UFSP2: variants seen among roughly 807,000 people sequenced by gnomAD.
UFSP2 encodes the protein ufm1-specific protease 2.
UFSP2 carries 43 observed loss-of-function variants against 60.2 expected under a neutral mutation model. That is an observed-to-expected ratio of 0.71 (90% CI 0.56 to 0.92). UFSP2 has a LOEUF of 0.92. Among genes scored for constraint, UFSP2 ranks in the 40% least tolerant of loss-of-function variants. UFSP2 has a pLI of 0.00. For synonymous variants in UFSP2, 183 were observed against 195.1 expected (o/e 0.94, Z 0.52); for missense variants, 520 against 575.0 (o/e 0.90, Z 0.98).
At chr4:185,425,457 G>T (rs1314412552) in intron 1 of UFSP2, among the ~76,000 whole-genome samples, 1 of 152,124 alleles carries the variant, frequency 6.6e-6, no homozygotes, top group Non-Finnish European at 1.5e-5. Flanking sequence ...TTTAGGATAG[G>T]GATTGGAGAA....
chr4:185,402,915 T>C (rs1330799049), intron 11 of UFSP2, among the ~76,000 whole-genome samples: 2 of 152,260 alleles, frequency 1.3e-5, no homozygotes, highest in African/African-American at 4.8e-5. Context: ...TTTACAATAC[T>C]TTCTCCTAAA....
chr4:185,425,917 CGGGG>C lies in UFSP2; in HGVS notation c.-53_-50del. On this transcript the variant is annotated 5_prime_UTR_variant, in exon 1 of 12. Coordinates refer to ENST00000264689, the MANE Select transcript of UFSP2 (RefSeq NM_018359.5). ...GGCGCTGACGCCTGCCCAAAAGTTC[CGGGG>C]GCCGGCCCTGAAGTGGTGTCACCGC... The C allele has an allele frequency of 6.3e-7, 1 of 1,575,444 alleles. No individual in the cohort carries two copies.
chr4:185,412,860 AG>A (rs1411488523), intron 7 of UFSP2, among the ~76,000 whole-genome samples: 1 of 152,126 alleles, frequency 6.6e-6, no homozygotes, highest in Non-Finnish European at 1.5e-5. Context: ...ATGCCTTATA[AG>A]GTCCTTTCTC....
At chr4:185,415,375 A>G in intron 5 of UFSP2, 28 bp from the exon 6 acceptor site, 1 of 1,520,278 alleles carries the variant, frequency 6.6e-7, no homozygotes, top group South Asian at 1.3e-5. Flanking sequence ...TAAGTGTATT[A>G]ACAAAAGTTA....
chr4:185,416,121 T>A, intron 4 of UFSP2: 1 of 287,140 alleles, frequency 3.5e-6, no homozygotes, highest in Non-Finnish European at 6.4e-6. Context: ...AATATAAAGC[T>A]GTACTACAGT....
At chr4:185,419,232 C>G (rs956592097) in intron 2 of UFSP2, among the ~76,000 whole-genome samples, 14 of 152,000 alleles carry the variant, frequency 9.2e-5, no homozygotes, top group Non-Finnish European at 1.6e-4. Flanking sequence ...CCCGGGTTCA[C>G]GCCATTCTCC....
At chr4:185,410,706 G>T (rs1333487987) in intron 7 of UFSP2, among the ~76,000 whole-genome samples, 2 of 151,236 alleles carry the variant, frequency 1.3e-5, no homozygotes, top group East Asian at 3.9e-4. Flanking sequence ...CAGCACTTTG[G>T]GAGGCTGAGG....
intron 11 of UFSP2, among the ~76,000 whole-genome samples, chr4:185,401,304 A>G (rs958765010): frequency 3.3e-5 from 5 of 152,362 alleles, no homozygotes; most frequent in Admixed American, 3.3e-4. Flanking sequence ...CTAGGTAACC[A>G]GCATTCTATT....
intron 7 of UFSP2, among the ~76,000 whole-genome samples, chr4:185,409,025 T>C (rs1393331652): frequency 1.3e-5 from 2 of 152,194 alleles, no homozygotes; most frequent in Admixed American, 1.3e-4. Flanking sequence ...ATATGTGAGC[T>C]CAGTGAGTAC....
Position 185,400,096 on chromosome 4 carries a change from A to G in UFSP2, c.*296T>C, listed in dbSNP as rs1173790820. On this transcript the variant is annotated 3_prime_UTR_variant, in exon 12 of 12. Coordinates refer to ENST00000264689, the MANE Select transcript of UFSP2 (RefSeq NM_018359.5). ...ATAAGCTCCTGCTTTTGGCTTTACC[A>G]TATGTTGTGTCTAATCTCCTTCTGA... 4.5e-6 allele frequency: 6 copies of G among 1,336,428 alleles called. No homozygotes were observed. The highest frequency in any genetic ancestry group is 4.4e-5 in the African/African-American group (3 of 67,528). 82.8% of individuals were successfully genotyped at this position (1,336,428 alleles called of 1,614,324 possible).
chr4:185,400,535 G>A, intron 11 of UFSP2, 57 bp from the exon 12 acceptor site: 1 of 1,344,810 alleles, frequency 7.4e-7, no homozygotes, highest in Non-Finnish European at 1.1e-6. Flanking sequence ...ATTATGTCAT[G>A]GAAATCGTGA....
intron 5 of UFSP2, 125 bp from the exon 6 acceptor site, chr4:185,415,472 C>T: frequency 1.2e-6 from 1 of 862,106 alleles, no homozygotes; most frequent in Non-Finnish European, 1.7e-6. Flanking sequence ...TAAAGGAAGT[C>T]TGAATTATAC....
rs1235296880 is a variant in UFSP2, at chr4:185,400,213, TTTAAG to T, written c.*174_*178del. The stretch of plus-strand genomic sequence containing the variant: ...TATGCTGGTTGTGTATGCTTTGTCT[TTTAAG>T]TTATTAAAGGAACGTCTAAAAAATA... On this transcript the variant is annotated 3_prime_UTR_variant, in exon 12 of 12. Transcript: ENST00000264689. 12 of 707,876 alleles carry T rather than the reference TTTAAG, an allele frequency of 1.7e-5. No homozygotes were observed. The highest frequency in any genetic ancestry group is 1.6e-4 in the African/African-American group (9 of 55,584). 43.8% of individuals were successfully genotyped at this position (707,876 alleles called of 1,614,324 possible). A position where few individuals can be genotyped will look rare whatever the true frequency, so the allele number is the denominator to read the frequency against.
At position 185,399,570 on chromosome 4, in the gene UFSP2, T is replaced by C. The variant is rs2095510545; in HGVS notation, c.*822A>G. The C allele has an allele frequency of 6.2e-7, 1 of 1,614,046 alleles. No individual in the cohort carries two copies. The highest frequency in any genetic ancestry group is 8.5e-7 in the Non-Finnish European group (1 of 1,180,004). ...CACTCCGTTTTTATCCTGTTTTCAG[T>C]TTATGTAATAAGAACGGGCAAACAG... is the stretch of plus-strand genomic sequence containing the variant. On this transcript the variant is annotated 3_prime_UTR_variant, in exon 12 of 12. Coordinates refer to ENST00000264689, the MANE Select transcript of UFSP2 (RefSeq NM_018359.5).
intron 7 of UFSP2, among the ~76,000 whole-genome samples, chr4:185,410,262 C>T (rs1183286484): frequency 6.6e-6 from 1 of 151,996 alleles, no homozygotes; most frequent in Admixed American, 6.6e-5. Context: ...TATAAAAATA[C>T]TTAGAAGTGA....
intron 7 of UFSP2, among the ~76,000 whole-genome samples, chr4:185,408,947 A>G (rs2153280336): frequency 6.6e-6 from 1 of 152,228 alleles, no homozygotes; most frequent in Admixed American, 6.5e-5. Context: ...TTCAAAGTAT[A>G]TCATGACTTG....
intron 1 of UFSP2, among the ~76,000 whole-genome samples, chr4:185,425,194 T>G (rs1291414890): frequency 6.6e-6 from 1 of 152,120 alleles, no homozygotes; most frequent in East Asian, 1.9e-4. Flanking sequence ...TTCCAGGTTT[T>G]GGGCAGGCAC....
chr4:185,415,851 A>G lies in UFSP2; in HGVS notation c.350T>C (p.Ile117Thr), dbSNP rs956166938. 2 of 1,613,122 alleles carry G rather than the reference A, an allele frequency of 1.2e-6. No homozygotes were observed. The highest frequency in any genetic ancestry group is 1.3e-5 in the African/African-American group (1 of 74,920). The change falls in exon 5 of 12, where the codon ATA (isoleucine) becomes ACA (threonine). Residue 117 changes from isoleucine (I) to threonine (T), a missense_variant. Transcript: ENST00000264689. ...KLSDMHQIVN[I>T]DLMLEMSTSL... The stretch of plus-strand genomic sequence containing the variant: ...GGTTGACATTTCCAGCATAAGATCT[A>G]TATTTACTATTTGATGCTATATAGA...
At chr4:185,420,283 T>C (rs1195371589) in intron 2 of UFSP2, among the ~76,000 whole-genome samples, 3 of 152,216 alleles carry the variant, frequency 2.0e-5, no homozygotes, top group Admixed American at 2.0e-4. Context: ...AAAATATGTT[T>C]GAATATTCAA....
Sources: allele counts gnomAD v4.1 joint callset (sites outside exome capture counted in the v4.1 genomes callset), GRCh38; gene constraint gnomAD v4.1.1; transcripts MANE v1.5; gene names NCBI Gene and HGNC (gene_info 2026-07-23, HGNC 2026-07-21).